PLCL1: variants seen among roughly 807,000 people sequenced by gnomAD.
PLCL1 encodes the protein phospholipase C like 1 (inactive), also known as inactive phospholipase C-like protein 1.
Under a neutral mutation model 84.4 loss-of-function variants are expected in PLCL1, and 41 were observed. That is an observed-to-expected ratio of 0.49 (90% CI 0.38 to 0.63). The LOEUF (loss-of-function observed/expected upper bound fraction) is 0.63. PLCL1 is among the 30% of genes least tolerant of loss of function. PLCL1 has a pLI of 0.00. For synonymous variants in PLCL1, 490 were observed against 488.3 expected (o/e 1.00, Z -0.05); for missense variants, 1,206 against 1,367.8 (o/e 0.88, Z 1.87).
chr2:197,870,859 G>T (rs1002279223), intron 1 of PLCL1, among the ~76,000 whole-genome samples: 2 of 151,384 alleles, frequency 1.3e-5, no homozygotes, highest in South Asian at 2.1e-4. Context: ...TCTTACTACT[G>T]GGGGGAAAAG....
At chr2:198,071,319 T>C (rs975539113) in intron 1 of PLCL1, among the ~76,000 whole-genome samples, 1 of 151,970 alleles carries the variant, frequency 6.6e-6, no homozygotes, top group Non-Finnish European at 1.5e-5. Context: ...CTTATATCTT[T>C]GCTCATTTAC....
intron 1 of PLCL1, among the ~76,000 whole-genome samples, chr2:197,838,453 G>T (rs919839630): frequency 6.6e-6 from 1 of 152,178 alleles, no homozygotes; most frequent in African/African-American, 2.4e-5. Flanking sequence ...CAGTTTTAGT[G>T]TTGGAGAAGA....
chr2:198,061,258 G>A (rs543019516), intron 1 of PLCL1, among the ~76,000 whole-genome samples: 3 of 152,240 alleles, frequency 2.0e-5, no homozygotes, highest in Non-Finnish European at 2.9e-5. Context: ...TATCTAAAAC[G>A]TGCACTCTGT....
intron 1 of PLCL1, among the ~76,000 whole-genome samples, chr2:197,875,969 G>T (rs1022070052): frequency 6.6e-6 from 1 of 152,160 alleles, no homozygotes. Context: ...CCTCTGTGCT[G>T]TCTGACTATA....
At position 197,844,682 on chromosome 2, in the gene PLCL1, T is replaced by C. The variant is rs1687086394; in HGVS notation, c.240+39343T>C. ...AATATGAGCTCTAAAATTTTAGTATTATATTCTAGCTATTTGAATACAGTG... is the reference window on the plus strand; with the variant it reads ...AATATGAGCTCTAAAATTTTAGTATCATATTCTAGCTATTTGAATACAGTG... On this transcript the variant is annotated intron_variant, in intron 1 of 5. Transcript: ENST00000428675. 2.0e-5 allele frequency among the ~76,000 whole-genome samples: 3 copies of C among 152,144 alleles called. No homozygotes were observed. In the South Asian group the frequency reaches 6.2e-4, roughly 31 times the overall value.
intron 5 of PLCL1, among the ~76,000 whole-genome samples, chr2:198,124,902 G>A (rs193019842): frequency 1.3e-5 from 2 of 152,228 alleles, no homozygotes; most frequent in East Asian, 1.9e-4. Flanking sequence ...CTAGCCATAG[G>A]TGTGCTATTT....
intron 1 of PLCL1, among the ~76,000 whole-genome samples, chr2:197,876,081 A>G (rs1687727412): frequency 6.6e-6 from 1 of 152,206 alleles, no homozygotes; most frequent in Admixed American, 6.5e-5. Flanking sequence ...CTATAAAAAC[A>G]TTTTTGTAGA....
At chr2:197,954,313 T>C (rs1167554127) in intron 1 of PLCL1, among the ~76,000 whole-genome samples, 1 of 152,064 alleles carries the variant, frequency 6.6e-6, no homozygotes, top group Non-Finnish European at 1.5e-5. Context: ...GAGATTTGCT[T>C]TCTGAGGTTT....
rs575609406 is a variant in PLCL1, at chr2:198,081,239, C to A, written c.241-2519C>A. Among the ~76,000 whole-genome samples the A allele has an allele frequency of 9.7e-4, 148 of 152,248 alleles. 2 individuals carry two copies. In the South Asian group the frequency reaches 0.012, roughly 12 times the overall value. On this transcript the variant is annotated intron_variant, in intron 1 of 5. Coordinates refer to ENST00000428675, the MANE Select transcript of PLCL1 (RefSeq NM_006226.4). ...ACAATTCTATTTGGAACATGAGCTG[C>A]TTATATAAAAATCATTTTTAATGTG...
At chr2:198,076,644 C>T (rs1465757402) in intron 1 of PLCL1, among the ~76,000 whole-genome samples, 2 of 152,158 alleles carry the variant, frequency 1.3e-5, no homozygotes, top group Non-Finnish European at 2.9e-5. Context: ...ACCTCCACTC[C>T]CACTGCATCA....
At chr2:198,016,796 C>T (rs1240554906) in intron 1 of PLCL1, among the ~76,000 whole-genome samples, 1 of 152,162 alleles carries the variant, frequency 6.6e-6, no homozygotes, top group Non-Finnish European at 1.5e-5. Flanking sequence ...TCCTCATTTC[C>T]CTCAGAGCAT....
intron 1 of PLCL1, among the ~76,000 whole-genome samples, chr2:197,890,883 A>G (rs2105725647): frequency 2.4e-5 from 1 of 41,930 alleles, no homozygotes; most frequent in Admixed American, 2.2e-4. Context: ...ATGCATATAT[A>G]TATGCACGCA....
At chr2:197,981,969 T>C (rs903484914) in intron 1 of PLCL1, among the ~76,000 whole-genome samples, 7 of 152,074 alleles carry the variant, frequency 4.6e-5, no homozygotes, top group African/African-American at 1.7e-4. Context: ...CTTATCTATG[T>C]ATTTTAATTA....
At chr2:197,867,876 T>G (rs1323477864) in intron 1 of PLCL1, among the ~76,000 whole-genome samples, 1 of 152,186 alleles carries the variant, frequency 6.6e-6, no homozygotes, top group Admixed American at 6.5e-5. Context: ...TAAAAAAAAT[T>G]GAGTATGCTG....
intron 3 of PLCL1, among the ~76,000 whole-genome samples, chr2:198,090,684 C>T (rs1693004372): frequency 6.6e-6 from 1 of 152,128 alleles, no homozygotes; most frequent in Non-Finnish European, 1.5e-5. Flanking sequence ...AAAATGGGGA[C>T]TGAAAGCTAT....
At chr2:197,978,947 G>C (rs1381963000) in intron 1 of PLCL1, among the ~76,000 whole-genome samples, 3 of 152,170 alleles carry the variant, frequency 2.0e-5, no homozygotes, top group Admixed American at 2.0e-4. Flanking sequence ...TCTGGGAATC[G>C]GTTTTTGTTC....
rs146978117 is a variant in PLCL1, at chr2:198,034,518, A to G, written c.241-49240A>G. Reference sequence around the variant, plus strand: ...AGACTGGATGAAGGAAATGTGGCACATATACACCATGAAATACTATGCAGC... The same window carrying G: ...AGACTGGATGAAGGAAATGTGGCACGTATACACCATGAAATACTATGCAGC... On this transcript the variant is annotated intron_variant, in intron 1 of 5. Coordinates refer to ENST00000428675, the MANE Select transcript of PLCL1 (RefSeq NM_006226.4). Among the ~76,000 whole-genome samples the G allele has an allele frequency of 1.8e-4, 28 of 152,348 alleles. 1 individual carries two copies. In the East Asian group the frequency reaches 5.4e-3, roughly 29 times the overall value.
chr2:198,029,161 TTC>T (rs1351473419), intron 1 of PLCL1, among the ~76,000 whole-genome samples: 1 of 152,140 alleles, frequency 6.6e-6, no homozygotes, highest in African/African-American at 2.4e-5. Context: ...CCTAAAGACT[TTC>T]TATCTTTGGG....
At chr2:197,921,017 T>G (rs967748383) in intron 1 of PLCL1, among the ~76,000 whole-genome samples, 1 of 152,208 alleles carries the variant, frequency 6.6e-6, no homozygotes, top group Non-Finnish European at 1.5e-5. Flanking sequence ...TATACTCACA[T>G]TGACAGACTT....
Sources: allele counts gnomAD v4.1 joint callset (sites outside exome capture counted in the v4.1 genomes callset), GRCh38; gene constraint gnomAD v4.1.1; transcripts MANE v1.5; gene names NCBI Gene and HGNC (gene_info 2026-07-23, HGNC 2026-07-21).